KCNH1: variants seen among roughly 807,000 people sequenced by gnomAD.
The protein encoded by KCNH1 is potassium voltage-gated channel subfamily H member 1.
A neutral mutation model predicts 69.2 loss-of-function variants in KCNH1; 27 were observed. The ratio of observed to expected loss-of-function variants is 0.39; its 90% confidence interval spans 0.29 to 0.54. KCNH1 has a LOEUF of 0.54. Ranked by LOEUF, KCNH1 falls within the 20% of genes least tolerant of loss-of-function variation. The pLI is 0.68. For synonymous variants in KCNH1, 456 were observed against 487.7 expected (o/e 0.93, Z 0.86); for missense variants, 798 against 1,261.6 (o/e 0.63, Z 5.57).
rs953852536 is a variant in KCNH1, at chr1:211,045,060, G to A, written c.559-25804C>T. Among the ~76,000 whole-genome samples the A allele has an allele frequency of 9.5e-3, 286 of 30,206 alleles. 11 individuals carry two copies. The highest frequency in any genetic ancestry group is 0.021 in the African/African-American group (215 of 10,324). The allele number at this position is 30,206 out of a possible 152,430, so 19.8% of individuals were successfully genotyped here. A position where few individuals can be genotyped will look rare whatever the true frequency, so the allele number is the denominator to read the frequency against. Reference sequence around the variant, plus strand: ...GTGGGGGATATATATATATATATATGAATAATAGAATAGTGGTCTCAGCAA... The same window carrying A: ...GTGGGGGATATATATATATATATATAAATAATAGAATAGTGGTCTCAGCAA... On this transcript the variant is annotated intron_variant, in intron 5 of 10. Coordinates refer to ENST00000271751, the MANE Select transcript of KCNH1 (RefSeq NM_172362.3).
intron 9 of KCNH1, among the ~76,000 whole-genome samples, chr1:210,776,345 TC>T (rs1372190137): frequency 7.9e-5 from 12 of 152,174 alleles, no homozygotes; most frequent in African/African-American, 2.4e-4. Flanking sequence ...ATCCTCTCTA[TC>T]CCTAGCATTC....
chr1:211,069,131 G>A (rs1690587446), intron 5 of KCNH1, among the ~76,000 whole-genome samples: 1 of 152,156 alleles, frequency 6.6e-6, no homozygotes, highest in African/African-American at 2.4e-5. Context: ...CTGATTGGAG[G>A]AAAGGAAATA....
At chr1:210,923,587 C>T (rs1687507639) in intron 6 of KCNH1, among the ~76,000 whole-genome samples, 1 of 152,254 alleles carries the variant, frequency 6.6e-6, no homozygotes, top group Non-Finnish European at 1.5e-5. Context: ...ACTGGTCCTT[C>T]AGTCCAGAAT....
At chr1:210,819,241 A>C (rs1158192446) in intron 7 of KCNH1, among the ~76,000 whole-genome samples, 3 of 152,212 alleles carry the variant, frequency 2.0e-5, no homozygotes, top group Non-Finnish European at 4.4e-5. Context: ...CATAGGCTAG[A>C]GTCAGATTTT....
chr1:210,778,139 A>T (rs746863771), intron 9 of KCNH1, among the ~76,000 whole-genome samples: 1 of 152,220 alleles, frequency 6.6e-6, no homozygotes, highest in Non-Finnish European at 1.5e-5. Context: ...CAGCCTTCAG[A>T]TGACTATAGC....
intron 6 of KCNH1, among the ~76,000 whole-genome samples, chr1:210,998,655 A>G (rs1689103789): frequency 6.6e-6 from 1 of 152,234 alleles, no homozygotes; most frequent in Non-Finnish European, 1.5e-5. Flanking sequence ...CTCTGCCCCA[A>G]GCAGACCTAA....
At chr1:211,037,483 A>T (rs1473091752) in intron 5 of KCNH1, among the ~76,000 whole-genome samples, 1 of 147,184 alleles carries the variant, frequency 6.8e-6, no homozygotes, top group Non-Finnish European at 1.5e-5. Context: ...CCAGTTTCCT[A>T]ATTCAGTGCT....
chr1:211,104,815 A>C (rs904157363), intron 2 of KCNH1, among the ~76,000 whole-genome samples: 9 of 152,214 alleles, frequency 5.9e-5, no homozygotes, highest in Non-Finnish European at 7.3e-5. Context: ...GTCACTGTAA[A>C]GTAAATATAA....
chr1:211,111,843 T>C (rs1244781039), intron 1 of KCNH1, among the ~76,000 whole-genome samples: 2 of 76,748 alleles, frequency 2.6e-5, no homozygotes, highest in East Asian at 6.3e-4. Context: ...GCCTGGCCGC[T>C]GTACTGTCTG....
chr1:210,939,799 A>G (rs1009805144), intron 6 of KCNH1, among the ~76,000 whole-genome samples: 7 of 152,238 alleles, frequency 4.6e-5, no homozygotes, highest in Non-Finnish European at 5.9e-5. Context: ...TCCCAAGTAT[A>G]TGTTCTTAAC....
chr1:210,882,527 A>G (rs1428576688), intron 7 of KCNH1, among the ~76,000 whole-genome samples: 3 of 152,180 alleles, frequency 2.0e-5, no homozygotes, highest in Non-Finnish European at 4.4e-5. Flanking sequence ...AGATAGACGG[A>G]GGCTTGCAGA....
At chr1:210,965,634 T>C (rs535795922) in intron 6 of KCNH1, among the ~76,000 whole-genome samples, 1 of 152,186 alleles carries the variant, frequency 6.6e-6, no homozygotes, top group Non-Finnish European at 1.5e-5. Flanking sequence ...CATTCACAAT[T>C]GCTACAAAGA....
chr1:210,910,427 G>C (rs1298819408), intron 7 of KCNH1, among the ~76,000 whole-genome samples: 1 of 152,268 alleles, frequency 6.6e-6, no homozygotes, highest in Non-Finnish European at 1.5e-5. Flanking sequence ...AGAAGACACA[G>C]AACAGGTGCT....
chr1:210,884,540 C>G (rs1686562925), intron 7 of KCNH1, among the ~76,000 whole-genome samples: 2 of 152,208 alleles, frequency 1.3e-5, no homozygotes, highest in Non-Finnish European at 2.9e-5. Context: ...CCCTCAAACT[C>G]AGACCTGACT....
At chr1:210,688,579 G>A (rs115191101) in intron 10 of KCNH1, among the ~76,000 whole-genome samples, 2,579 of 152,342 alleles carry the variant, frequency 0.017, 35 homozygotes, top group Middle Eastern at 0.031. Flanking sequence ...GAAGGATGGT[G>A]TGAAAATAAA....
intron 5 of KCNH1, among the ~76,000 whole-genome samples, chr1:211,026,663 T>A (rs1437156388): frequency 6.6e-6 from 1 of 152,170 alleles, no homozygotes; most frequent in Non-Finnish European, 1.5e-5. Flanking sequence ...GTAAGGAGCA[T>A]GGACTTCCAC....
intron 7 of KCNH1, among the ~76,000 whole-genome samples, chr1:210,916,738 C>G (rs1687339521): frequency 6.6e-6 from 1 of 152,150 alleles, no homozygotes; most frequent in African/African-American, 2.4e-5. Flanking sequence ...GTATTTGGCA[C>G]AGTGTCTGGC....
chr1:210,829,884 A>G (rs1039107616), intron 7 of KCNH1, among the ~76,000 whole-genome samples: 1 of 152,180 alleles, frequency 6.6e-6, no homozygotes, highest in Non-Finnish European at 1.5e-5. Flanking sequence ...TTAATCAGTC[A>G]CATAGCCCTT....
At chr1:210,721,344 G>A (rs12022989) in intron 10 of KCNH1, among the ~76,000 whole-genome samples, 32,208 of 152,150 alleles carry the variant, frequency 0.21, 4,212 homozygotes, top group African/African-American at 0.37. Context: ...TTTAATGCCA[G>A]TGAAAATTCT....
Sources: allele counts gnomAD v4.1 joint callset (sites outside exome capture counted in the v4.1 genomes callset), GRCh38; gene constraint gnomAD v4.1.1; transcripts MANE v1.5; gene names NCBI Gene and HGNC (gene_info 2026-07-23, HGNC 2026-07-21).